SNTG1: variants seen among roughly 807,000 people sequenced by gnomAD.
SNTG1 encodes the protein syntrophin gamma 1, also known as gamma-1-syntrophin.
A neutral mutation model predicts 74.7 loss-of-function variants in SNTG1; 39 were observed. That is an observed-to-expected ratio of 0.52 (90% CI 0.40 to 0.68). The LOEUF is 0.68. SNTG1 is among the 30% of genes least tolerant of loss of function. The pLI is 0.00. For synonymous variants in SNTG1, 254 were observed against 217.1 expected (o/e 1.17, Z -1.49); for missense variants, 685 against 609.5 (o/e 1.12, Z -1.30).
chr8:50,180,437 A>G (rs115826434), intron 2 of SNTG1, among the ~76,000 whole-genome samples: 2,795 of 152,326 alleles, frequency 0.018, 75 homozygotes, highest in African/African-American at 0.057. Context: ...CTTACCATAC[A>G]TACAAAAAAG....
chr8:50,679,256 G>C (rs983345507), intron 15 of SNTG1, among the ~76,000 whole-genome samples: 2 of 151,988 alleles, frequency 1.3e-5, no homozygotes, highest in East Asian at 3.9e-4. Context: ...CTTAGTTGTT[G>C]TATGTCTAAT....
intron 17 of SNTG1, among the ~76,000 whole-genome samples, chr8:50,751,736 A>C (rs989925065): frequency 7.2e-5 from 11 of 152,070 alleles, no homozygotes; most frequent in African/African-American, 2.7e-4. Context: ...TTGACTGTGC[A>C]CATAAGACAA....
At chr8:50,214,439 G>GA (rs1352187532) in intron 2 of SNTG1, among the ~76,000 whole-genome samples, 34 of 151,670 alleles carry the variant, frequency 2.2e-4, no homozygotes, top group South Asian at 4.2e-4. Context: ...AATAAAAAAT[G>GA]AAAAAAATCA....
Position 50,665,353 on chromosome 8 carries a change from T to A in SNTG1, c.1038+6690T>A, listed in dbSNP as rs2095245665. ...GAAAGAAGCCAAGAATAAATTCTGT[T>A]GTATTGGATTACAATTAGAAATATT... On this transcript the variant is annotated intron_variant, in intron 15 of 18. Transcript: ENST00000642720. Among the ~76,000 whole-genome samples the A allele has an allele frequency of 1.3e-5, 2 of 152,078 alleles. 1 individual carries two copies. The highest frequency in any genetic ancestry group is 4.2e-4 in the South Asian group (2 of 4,818).
At chr8:50,351,085 C>T (rs1329616213) in intron 2 of SNTG1, among the ~76,000 whole-genome samples, 3 of 152,190 alleles carry the variant, frequency 2.0e-5, no homozygotes, top group Admixed American at 6.5e-5. Context: ...GACCAAGAAC[C>T]CACCAATTCC....
At chr8:49,979,510 C>T (rs1214774040) in intron 1 of SNTG1, among the ~76,000 whole-genome samples, 2 of 152,196 alleles carry the variant, frequency 1.3e-5, no homozygotes, top group African/African-American at 2.4e-5. Flanking sequence ...TTTGCACTTC[C>T]CCCCGATCCT....
At chr8:50,723,224 G>A (rs1324009703) in intron 17 of SNTG1, among the ~76,000 whole-genome samples, 2 of 152,000 alleles carry the variant, frequency 1.3e-5, no homozygotes, top group Non-Finnish European at 2.9e-5. Flanking sequence ...AAAGGTTTTG[G>A]GTCAAATTCC....
chr8:50,475,899 A>G (rs529546876), intron 8 of SNTG1, among the ~76,000 whole-genome samples: 7 of 152,270 alleles, frequency 4.6e-5, no homozygotes, highest in Non-Finnish European at 8.8e-5. Context: ...CTCCTTACCC[A>G]TGGTCAACGA....
intron 17 of SNTG1, among the ~76,000 whole-genome samples, chr8:50,713,539 G>T (rs577696242): frequency 6.6e-6 from 1 of 152,238 alleles, no homozygotes; most frequent in East Asian, 1.9e-4. Context: ...GGCTTTTGTT[G>T]TAATTGCTTT....
At chr8:50,093,882 AAAGAAATAGCAGATTCAAATAAAACTG>A (rs2079834369) in intron 1 of SNTG1, among the ~76,000 whole-genome samples, 5 of 152,190 alleles carry the variant, frequency 3.3e-5, no homozygotes, top group Admixed American at 2.6e-4. Flanking sequence ...GAAAGATGTG[AAAGAAATAGCAGATTCAAATAAAACTG>A]AAGATTCTAG....
chr8:50,780,313 G>C (rs2131827218), intron 18 of SNTG1, among the ~76,000 whole-genome samples: 1 of 152,238 alleles, frequency 6.6e-6, no homozygotes, highest in Admixed American at 6.5e-5. Context: ...GTAGAATTCG[G>C]CTGTGAATCC....
chr8:50,223,359 A>G (rs2085163988), intron 2 of SNTG1, among the ~76,000 whole-genome samples: 1 of 152,174 alleles, frequency 6.6e-6, no homozygotes, highest in Non-Finnish European at 1.5e-5. Flanking sequence ...AGTACAACTG[A>G]TCTCCTAATA....
Position 50,146,114 on chromosome 8 carries a change from T to G in SNTG1, c.-102-26447T>G, listed in dbSNP as rs75131496. Among the ~76,000 whole-genome samples, 392 of 152,180 alleles carry G rather than the reference T, an allele frequency of 2.6e-3. 9 individuals are homozygous for G. The South Asian group carries it at 0.036, about 14-fold the overall frequency. On this transcript the variant is annotated intron_variant, in intron 1 of 18. Coordinates refer to ENST00000642720, the MANE Select transcript of SNTG1 (RefSeq NM_018967.5). Reference sequence around the variant, plus strand: ...TACTTAATGTTATTTTGTATGAGGATAAGGAAATATTTCAACTAAAGAGTA... The same window carrying G: ...TACTTAATGTTATTTTGTATGAGGAGAAGGAAATATTTCAACTAAAGAGTA...
intron 1 of SNTG1, among the ~76,000 whole-genome samples, chr8:50,059,541 T>C (rs920245840): frequency 2.6e-5 from 4 of 152,108 alleles, no homozygotes; most frequent in African/African-American, 7.2e-5. Flanking sequence ...TAACCTACTT[T>C]CTGTTCCTAT....
intron 2 of SNTG1, among the ~76,000 whole-genome samples, chr8:50,265,858 A>T (rs765039968): frequency 6.6e-6 from 1 of 152,082 alleles, no homozygotes; most frequent in Non-Finnish European, 1.5e-5. Context: ...AAAAAAATGA[A>T]ATACTTTGGA....
intron 15 of SNTG1, among the ~76,000 whole-genome samples, chr8:50,690,738 G>T (rs1359682751): frequency 1.3e-5 from 2 of 152,166 alleles, no homozygotes; most frequent in Non-Finnish European, 2.9e-5. Context: ...ATTTGGTGTG[G>T]CAAGTTCTGC....
intron 8 of SNTG1, among the ~76,000 whole-genome samples, chr8:50,495,074 G>T (rs186816104): frequency 8.5e-5 from 13 of 152,050 alleles, no homozygotes; most frequent in Admixed American, 2.0e-4. Flanking sequence ...TGAAATTTTA[G>T]GAATTGTGAA....
rs548617936 is a variant in SNTG1 at position 50,678,176 on chromosome 8, A to G, written c.1038+19513A>G. ...TTGCTATTTGTGCTATTTTTTTTTT[A>G]GAATAATATCAAAATCTATTATTAA... is the stretch of plus-strand genomic sequence containing the variant. On this transcript the variant is annotated intron_variant, in intron 15 of 18. Coordinates refer to ENST00000642720, the MANE Select transcript of SNTG1 (RefSeq NM_018967.5). Among the ~76,000 whole-genome samples, 51 of 151,934 alleles carry G rather than the reference A, an allele frequency of 3.4e-4. No homozygotes were observed. The South Asian group carries it at 0.01, about 31-fold the overall frequency.
At chr8:50,088,022 A>T (rs1823074396) in intron 1 of SNTG1, among the ~76,000 whole-genome samples, 1 of 144,060 alleles carries the variant, frequency 6.9e-6, no homozygotes, top group Admixed American at 7.2e-5. Context: ...ATGAGTGAGA[A>T]TATGCGGTGT....
Sources: gnomAD v4.1 joint callset for allele counts (sites outside exome capture counted in the v4.1 genomes callset) on GRCh38, gnomAD v4.1.1 for gene constraint, MANE v1.5 for transcripts, NCBI Gene and HGNC (gene_info 2026-07-23, HGNC 2026-07-21) for gene names.